MRPS18B: variants seen among roughly 807,000 people sequenced by gnomAD.
MRPS18B encodes the protein mitochondrial ribosomal protein S18B.
In MRPS18B, 27 loss-of-function variants were observed where a neutral mutation model predicts 28.4. That is an observed-to-expected ratio of 0.95 (90% CI 0.70 to 1.31). The LOEUF (loss-of-function observed/expected upper bound fraction) is 1.31, where lower values mean the gene tolerates loss of function less well. Among genes scored for constraint, MRPS18B ranks in the 40% most tolerant of loss-of-function variants. The pLI, the probability that MRPS18B is intolerant of heterozygous loss-of-function variation, is 0.00. For missense variants in MRPS18B, 343 were observed against 335.9 expected, an observed-to-expected ratio of 1.02 and a Z score of -0.17; for synonymous variants, 118 against 123.7, an observed-to-expected ratio of 0.95 and a Z score of 0.30.
At chr6:30,622,939 G>A (rs1386655433) in intron 5 of MRPS18B, 41 bp downstream of exon 5, 4 of 1,590,668 alleles carry the variant, frequency 2.5e-6, no homozygotes, top group South Asian at 1.1e-5. Flanking sequence ...GCTTTTCCTT[G>A]TGGCATGCCT....
chr6:30,619,792 C>G lies in MRPS18B; in HGVS notation c.271C>G (p.Arg91Gly). ...GGGTGGTGTACCCCCACAGCGGACTCGGAAGACATGTATTGTGAGTTTCTG... is the reference window on the plus strand; with the variant it reads ...GGGTGGTGTACCCCCACAGCGGACTGGGAAGACATGTATTGTGAGTTTCTG... Reference protein sequence around the residue: ...HKGGVPPQRTRKTCIRRNKVV... With the variant: ...HKGGVPPQRTGKTCIRRNKVV... Residue 91 changes from arginine (R) to glycine (G), a missense_variant, in exon 3 of 7, where the codon CGG (arginine) becomes GGG (glycine). Physicochemically the swap from Arg to Gly is moderately radical, Grantham distance 125. Coordinates refer to ENST00000259873, the MANE Select transcript of MRPS18B (RefSeq NM_014046.4). The G allele has an allele frequency of 3.1e-6, 5 of 1,614,164 alleles. No homozygotes were observed. The highest frequency in any genetic ancestry group is 4.2e-6 in the Non-Finnish European group (5 of 1,180,002).
chr6:30,621,921 T>A (rs1166428693), intron 4 of MRPS18B, among the ~76,000 whole-genome samples: 1 of 152,212 alleles, frequency 6.6e-6, no homozygotes. Flanking sequence ...CACTCCAGCC[T>A]GAGCAGCAGA....
chr6:30,619,211 C>T (rs181683035), intron 1 of MRPS18B, among the ~76,000 whole-genome samples: 8 of 152,260 alleles, frequency 5.3e-5, no homozygotes, highest in African/African-American at 1.2e-4. Context: ...CCACTGCGCC[C>T]GGCCTTGTAC....
rs1235498085 is a variant in MRPS18B at position 30,619,742 on chromosome 6, G to C, written c.221G>C (p.Trp74Ser). The change falls in exon 3 of 7, where the codon TGG (tryptophan) becomes TCG (serine). Residue 74 changes from tryptophan (W) to serine (S), a missense_variant. Transcript: ENST00000259873. ...YQERYGSRPV[W>S]ADYRRNHKGG... ...GAGCGATATGGTTCTCGCCCCGTCT[G>C]GGCTGACTACCGCCGCAACCACAAG... 1.2e-6 allele frequency: 2 copies of C among 1,614,082 alleles called. No homozygotes were observed. Among genetic ancestry groups the C allele is most frequent in the Non-Finnish European group, 8.5e-7 (1 of 1,180,044 alleles).
At chr6:30,620,606 G>C (rs377121763) in intron 4 of MRPS18B, among the ~76,000 whole-genome samples, 1 of 151,360 alleles carries the variant, frequency 6.6e-6, no homozygotes, top group African/African-American at 2.4e-5. Context: ...GTCTTACTCT[G>C]TTGCCAAGGC....
chr6:30,623,725 T>A (rs1761311902), intron 5 of MRPS18B, among the ~76,000 whole-genome samples: 1 of 151,986 alleles, frequency 6.6e-6, no homozygotes, highest in Non-Finnish European at 1.5e-5. Flanking sequence ...GACAGAAAAA[T>A]TTTGCTAACC....
chr6:30,620,684 C>T (rs567504768), intron 4 of MRPS18B, among the ~76,000 whole-genome samples: 11 of 152,254 alleles, frequency 7.2e-5, no homozygotes, highest in African/African-American at 2.4e-4. Context: ...ATTCTCCCGC[C>T]TCAGCCTCCC....
rs1158134081 is a variant in MRPS18B, at chr6:30,626,370, A to G, written c.*573A>G. On this transcript the variant is annotated 3_prime_UTR_variant, in exon 7 of 7. Transcript: ENST00000259873. ...CTTCTACCAACTCAGCTTTTACACA[A>G]TAAAGCTCTACTGTCTCTGGTTTGC... is the stretch of plus-strand genomic sequence containing the variant. 1.2e-5 allele frequency: 2 copies of G among 170,782 alleles called. No homozygotes were observed. The allele number at this position is 170,782 out of a possible 1,614,324, so 10.6% of individuals were successfully genotyped here. A position where few individuals can be genotyped will look rare whatever the true frequency, so the allele number is the denominator to read the frequency against.
chr6:30,620,492 A>G (rs1761087809), intron 4 of MRPS18B, among the ~76,000 whole-genome samples: 1 of 151,996 alleles, frequency 6.6e-6, no homozygotes, highest in African/African-American at 2.4e-5. Flanking sequence ...CCAGCCTTTT[A>G]CCTTCTACTA....
chr6:30,623,255 T>C (rs550964746), intron 5 of MRPS18B, among the ~76,000 whole-genome samples: 50 of 151,828 alleles, frequency 3.3e-4, no homozygotes, highest in Non-Finnish European at 6.8e-4. Context: ...GAGAGTCGCT[T>C]GAACCCAGGA....
intron 5 of MRPS18B, among the ~76,000 whole-genome samples, chr6:30,624,123 A>ACT: frequency 6.8e-6 from 1 of 147,298 alleles, no homozygotes; most frequent in East Asian, 2.0e-4. Flanking sequence ...AATCTCATTT[A>ACT]CTCTGTCACC....
chr6:30,619,874 C>G, intron 3 of MRPS18B, 47 bp from the exon 4 acceptor site: 1 of 1,611,308 alleles, frequency 6.2e-7, no homozygotes. Context: ...AGCACTTTTT[C>G]TGACGTGTTT....
At position 30,623,843 on chromosome 6, in the gene MRPS18B, T is replaced by C. The variant is rs189805965; in HGVS notation, c.421+945T>C. ...CAGGCTGGAGTGCAATGGTGCAATC[T>C]TGCCTCACCACAACCTCTGCCTCCC... On this transcript the variant is annotated intron_variant, in intron 5 of 6. Transcript: ENST00000259873. Among the ~76,000 whole-genome samples the C allele has an allele frequency of 6.0e-4, 92 of 152,196 alleles. 2 individuals are homozygous for C. The East Asian group carries it at 0.015, about 26-fold the overall frequency.
At chr6:30,618,202 T>C (rs1760861661) in intron 1 of MRPS18B, among the ~76,000 whole-genome samples, 1 of 151,986 alleles carries the variant, frequency 6.6e-6, no homozygotes, top group Non-Finnish European at 1.5e-5. Flanking sequence ...TTGACCCCTG[T>C]CCACCCTCAG....
intron 1 of MRPS18B, 52 bp from the exon 2 acceptor site, chr6:30,619,441 A>G (rs368830271): frequency 2.7e-6 from 4 of 1,478,246 alleles, no homozygotes; most frequent in Admixed American, 3.4e-5. Context: ...AAGCAAAACA[A>G]TTTAGTCCTT....
At chr6:30,625,394 G>A (rs1761464529) in intron 6 of MRPS18B, 108 bp from the exon 7 acceptor site, 1 of 1,133,848 alleles carries the variant, frequency 8.8e-7, no homozygotes, top group South Asian at 1.5e-5. Context: ...ATGCATAAAT[G>A]TACCTGGTGG....
Position 30,618,362 on chromosome 6 carries a change from T to G in MRPS18B, c.78+419T>G, listed in dbSNP as rs895893115. Among the ~76,000 whole-genome samples the G allele has an allele frequency of 2.0e-5, 3 of 152,188 alleles. No homozygotes were observed. The South Asian group carries it at 6.2e-4, about 31-fold the overall frequency. ...ATGCAAGTGGTGACTAAATCTGTGT[T>G]GCTCTGGAATGTCCTTGGGGAAATT... On this transcript the variant is annotated intron_variant, in intron 1 of 6. Transcript: ENST00000259873.
chr6:30,624,340 C>T (rs1761352163), intron 5 of MRPS18B, among the ~76,000 whole-genome samples: 1 of 149,126 alleles, frequency 6.7e-6, no homozygotes, highest in Non-Finnish European at 1.5e-5. Context: ...AAGTGATCCT[C>T]CCACCTAAGC....
At chr6:30,621,510 G>C (rs899913536) in intron 4 of MRPS18B, among the ~76,000 whole-genome samples, 2 of 152,212 alleles carry the variant, frequency 1.3e-5, no homozygotes, top group African/African-American at 4.8e-5. Flanking sequence ...CTATATGGCT[G>C]ATCATCAGGG....
Sources: gnomAD v4.1 joint callset for allele counts (sites outside exome capture counted in the v4.1 genomes callset) on GRCh38, gnomAD v4.1.1 for gene constraint, MANE v1.5 for transcripts, NCBI Gene and HGNC (gene_info 2026-07-23, HGNC 2026-07-21) for gene names.